CORIN: variants seen among roughly 807,000 people sequenced by gnomAD.
The protein encoded by CORIN is corin, serine peptidase, also known as atrial natriuretic peptide-converting enzyme.
In CORIN, 117 loss-of-function variants were observed where a neutral mutation model predicts 125.3. The observed-to-expected ratio is 0.93, with a 90% CI of 0.80 to 1.09. The LOEUF (loss-of-function observed/expected upper bound fraction) is 1.09, where lower values mean the gene tolerates loss of function less well. CORIN is among the 50% of genes least tolerant of loss of function. The pLI is 0.00. For missense variants in CORIN, 1,253 were observed against 1,306.7 expected (o/e 0.96, Z 0.63); for synonymous variants, 450 against 466.4 (o/e 0.96, Z 0.45).
intron 19 of CORIN, among the ~76,000 whole-genome samples, chr4:47,607,767 CAT>C (rs1403158186): frequency 6.6e-6 from 1 of 152,110 alleles, no homozygotes; most frequent in Admixed American, 6.6e-5. Context: ...ATGAATGCCA[CAT>C]GAGTTTAGTA....
intron 4 of CORIN, among the ~76,000 whole-genome samples, chr4:47,756,850 A>G (rs1411520733): frequency 6.6e-6 from 1 of 152,202 alleles, no homozygotes; most frequent in Non-Finnish European, 1.5e-5. Context: ...CTCCATTTCA[A>G]TTAGCCTGTT....
In CORIN at chr4:47,594,422, TA is replaced by T. The variant is rs1409699638; in HGVS notation, c.*1298del. The T allele has an allele frequency of 6.6e-6, 1 of 152,594 alleles. No homozygotes were observed. Among genetic ancestry groups the T allele is most frequent in the Non-Finnish European group, 1.5e-5 (1 of 68,006 alleles). 9.5% of individuals were successfully genotyped at this position (152,594 alleles called of 1,614,324 possible). On this transcript the variant is annotated 3_prime_UTR_variant, in exon 22 of 22. Transcript: ENST00000273857. ...GATGCCTGACTAATTAAATTAAGTA[TA>T]TATGAAGATTTGTGTTTTAAAGTTT...
chr4:47,795,453 TTC>T (rs1305440011), intron 2 of CORIN, among the ~76,000 whole-genome samples: 2 of 152,138 alleles, frequency 1.3e-5, no homozygotes, highest in Non-Finnish European at 2.9e-5. Context: ...CTGATTTAAT[TTC>T]TTTTATCAGC....
At chr4:47,683,885 T>C (rs1725398018) in intron 6 of CORIN, 47 bp from the exon 7 acceptor site, 2 of 1,392,596 alleles carry the variant, frequency 1.4e-6, no homozygotes, top group Admixed American at 1.8e-5. Flanking sequence ...CCATACAGAA[T>C]GCTATTGTAG....
intron 2 of CORIN, among the ~76,000 whole-genome samples, chr4:47,800,011 G>A (rs1731468655): frequency 6.6e-6 from 1 of 152,068 alleles, no homozygotes; most frequent in South Asian, 2.1e-4. Flanking sequence ...ACCACATATG[G>A]TCATACAGAA....
At chr4:47,793,595 G>T (rs528572844) in intron 2 of CORIN, among the ~76,000 whole-genome samples, 1 of 152,302 alleles carries the variant, frequency 6.6e-6, no homozygotes, top group Admixed American at 6.5e-5. Flanking sequence ...AGAAAGCATT[G>T]CTGGCACCAA....
intron 1 of CORIN, among the ~76,000 whole-genome samples, chr4:47,813,539 T>C (rs1337354578): frequency 1.3e-5 from 2 of 152,226 alleles, no homozygotes; most frequent in Non-Finnish European, 2.9e-5. Context: ...ATGTTGATAT[T>C]TTTATTTTAA....
intron 4 of CORIN, among the ~76,000 whole-genome samples, chr4:47,746,516 C>T (rs1728671372): frequency 6.6e-6 from 1 of 151,986 alleles, no homozygotes; most frequent in South Asian, 2.1e-4. Context: ...TTCATGAATG[C>T]ATGTCTTGAA....
chr4:47,766,532 T>A (rs1274603030), intron 3 of CORIN, among the ~76,000 whole-genome samples: 1 of 152,118 alleles, frequency 6.6e-6, no homozygotes, highest in Non-Finnish European at 1.5e-5. Context: ...CAGTTTGACA[T>A]GTGCCCAGAT....
intron 5 of CORIN, among the ~76,000 whole-genome samples, chr4:47,712,378 G>A (rs1229593465): frequency 6.6e-6 from 1 of 152,132 alleles, no homozygotes; most frequent in Non-Finnish European, 1.5e-5. Flanking sequence ...TGCCTCCCAG[G>A]CTCAAGTGAT....
intron 1 of CORIN, chr4:47,837,282 A>C (rs907270059): frequency 5.7e-5 from 9 of 159,042 alleles, no homozygotes; most frequent in Non-Finnish European, 1.1e-4. Flanking sequence ...AGTGATCCCC[A>C]GGCACCAACT....
chr4:47,685,580 T>C (rs974524510), intron 6 of CORIN, among the ~76,000 whole-genome samples: 2 of 152,148 alleles, frequency 1.3e-5, no homozygotes, highest in Non-Finnish European at 2.9e-5. Flanking sequence ...AGAACTGTAT[T>C]GTGCGGTTAG....
At chr4:47,750,733 G>A (rs1418141952) in intron 4 of CORIN, among the ~76,000 whole-genome samples, 3 of 152,160 alleles carry the variant, frequency 2.0e-5, no homozygotes, top group Non-Finnish European at 4.4e-5. Context: ...TACCCAAACT[G>A]TCTATTCTCC....
At chr4:47,626,594 A>G (rs1722579987) in intron 16 of CORIN, 73 bp from the exon 17 acceptor site, 2 of 917,428 alleles carry the variant, frequency 2.2e-6, no homozygotes, top group Non-Finnish European at 3.6e-6. Flanking sequence ...ATTATTTAGC[A>G]CTCATTCCCT....
intron 11 of CORIN, among the ~76,000 whole-genome samples, chr4:47,664,817 G>A (rs1007215109): frequency 3.9e-5 from 6 of 152,120 alleles, no homozygotes; most frequent in African/African-American, 7.2e-5. Flanking sequence ...ATCAAAGGAC[G>A]TTCACAGCTC....
chr4:47,619,635 A>C (rs984311551), intron 19 of CORIN, among the ~76,000 whole-genome samples: 1 of 152,196 alleles, frequency 6.6e-6, no homozygotes, highest in Non-Finnish European at 1.5e-5. Context: ...ACGTGCCTTT[A>C]ATTATAAGCA....
chr4:47,776,417 CA>C (rs1203110913), intron 3 of CORIN, among the ~76,000 whole-genome samples: 1 of 152,096 alleles, frequency 6.6e-6, no homozygotes, highest in East Asian at 1.9e-4. Flanking sequence ...CCACCACACC[CA>C]ACCAGGTCTC....
chr4:47,786,026 T>A (rs778500598), intron 3 of CORIN, among the ~76,000 whole-genome samples: 3 of 152,238 alleles, frequency 2.0e-5, no homozygotes, highest in Non-Finnish European at 4.4e-5. Context: ...GTGACTTAAC[T>A]TACTTATTAA....
At position 47,837,988 on chromosome 4, in the gene CORIN, C is replaced by T; in HGVS notation, c.-39G>A. The T allele has an allele frequency of 6.2e-7, 1 of 1,606,588 alleles. No homozygotes were observed. The highest frequency in any genetic ancestry group is 1.3e-5 in the African/African-American group (1 of 75,030). Reference sequence around the variant, plus strand: ...CGCTTATTCTTCTGTCCACTTTTATCTTGGTCGCTTTTCTCTCCTCTACGT... The same window carrying T: ...CGCTTATTCTTCTGTCCACTTTTATTTTGGTCGCTTTTCTCTCCTCTACGT... On this transcript the variant is annotated 5_prime_UTR_variant, in exon 1 of 22. Coordinates refer to ENST00000273857, the MANE Select transcript of CORIN (RefSeq NM_006587.4).
Sources: allele counts gnomAD v4.1 joint callset (sites outside exome capture counted in the v4.1 genomes callset), GRCh38; gene constraint gnomAD v4.1.1; transcripts MANE v1.5; gene names NCBI Gene and HGNC (gene_info 2026-07-23, HGNC 2026-07-21).